The following SMARCA4 variants were observed in gnomAD, a reference collection of about 807,000 sequenced individuals.
The protein encoded by SMARCA4 is SWI/SNF-related matrix-associated actin-dependent regulator of chromatin subfamily A member 4.
A neutral mutation model predicts 193.9 loss-of-function variants in SMARCA4; 31 were observed. That is an observed-to-expected ratio of 0.16 (90% CI 0.12 to 0.22). The LOEUF is 0.22. SMARCA4 is among the 10% of genes least tolerant of loss of function. SMARCA4 has a pLI of 1.00. For missense variants in SMARCA4, 1,148 were observed against 2,296.0 expected, an observed-to-expected ratio of 0.50 and a Z score of 10.22; for synonymous variants, 942 against 933.1, an observed-to-expected ratio of 1.01 and a Z score of -0.17.
chr19:11,032,287 G>T (rs1343652921), intron 25 of SMARCA4: 1 of 152,384 alleles, frequency 6.6e-6, no homozygotes, highest in Non-Finnish European at 1.5e-5. Flanking sequence ...GAGCATCACT[G>T]GTACTCACCC....
rs775399739 is a variant in SMARCA4, at chr19:11,041,469, C to T, written c.4333C>T (p.Arg1445Trp). The T allele has an allele frequency of 6.2e-7, 1 of 1,612,468 alleles. No homozygotes were observed. The highest frequency in any genetic ancestry group is 8.5e-7 in the Non-Finnish European group (1 of 1,179,874). Reference protein sequence around the residue: ...DESKKQKKRGRPPAEKLSPNP... With the variant: ...DESKKQKKRGWPPAEKLSPNP... ...GAGCAAGAAGCAGAAGAAGCGCGGG[C>T]GGCCGCCTGCCGAGAAACTCTCCCC... Residue 1445 changes from arginine to tryptophan, a missense_variant, in exon 30 of 35, where the codon CGG becomes TGG. By Grantham distance (101) the Arg-to-Trp change is moderately radical. This residue lies in a region of SMARCA4 where 141 missense variants were observed against 193.0 expected (regional missense o/e 0.73). Coordinates refer to ENST00000344626, the MANE Select transcript of SMARCA4 (RefSeq NM_003072.5). The surrounding 1 kb of genome is among the most constrained non-coding windows in gnomAD (Gnocchi z 5.6).
At chr19:11,013,201 C>G in intron 16 of SMARCA4, 89 bp downstream of exon 16, 1 of 1,429,760 alleles carries the variant, frequency 7.0e-7, no homozygotes, top group South Asian at 1.2e-5. Flanking sequence ...ATACCACAAA[C>G]GAGGTGGCTT....
chr19:10,990,893 G>C (rs111927353), intron 7 of SMARCA4, among the ~76,000 whole-genome samples: 1 of 152,202 alleles, frequency 6.6e-6, no homozygotes, highest in African/African-American at 2.4e-5. Context: ...CTCCTAAGAC[G>C]TGTGTGTGGT....
In SMARCA4 at chr19:11,014,821, T is replaced by C. The variant is rs73500663; in HGVS notation, c.2438+1709T>C. On this transcript the variant is annotated intron_variant, in intron 16 of 34. Transcript: ENST00000344626. Reference sequence around the variant, plus strand: ...GAAATGATCTCATTTATTTTTATTTTTTTTTATTTTTTGAGGAGTCTCGCA... The same window carrying C: ...GAAATGATCTCATTTATTTTTATTTCTTTTTATTTTTTGAGGAGTCTCGCA... Among the ~76,000 whole-genome samples the C allele has an allele frequency of 2.1e-3, 318 of 152,282 alleles. 1 individual carries two copies. Among genetic ancestry groups the C allele is most frequent in the African/African-American group, 7.3e-3 (303 of 41,528 alleles).
chr19:11,049,408 T>G (rs1320290688), intron 30 of SMARCA4, among the ~76,000 whole-genome samples: 1 of 152,050 alleles, frequency 6.6e-6, no homozygotes, highest in African/African-American at 2.4e-5. Flanking sequence ...TGCAGAAACG[T>G]TCTCTGTGGC....
In SMARCA4 at chr19:11,013,029, G is replaced by A. The variant is rs547236594; in HGVS notation, c.2355G>A (p.Lys785=). The change falls in exon 16 of 35, where the codon AAG becomes AAA. Residue 785 remains lysine, a synonymous_variant. Transcript: ENST00000344626. ...GILADEMGLG[K]TIQTIALITY... ...TGGCCGACGAGATGGGCCTGGGGAA[G>A]ACCATCCAGACCATCGCGCTCATCA... is the stretch of plus-strand genomic sequence containing the variant. 1.5e-5 allele frequency: 24 copies of A among 1,614,040 alleles called. No homozygotes were observed. In the East Asian group the frequency reaches 3.1e-4, roughly 21 times the overall value.
chr19:11,034,860 G>A lies in SMARCA4; in HGVS notation c.3952-54G>A, dbSNP rs576914062. 695 of 1,172,592 alleles carry A rather than the reference G, an allele frequency of 5.9e-4. 16 individuals are homozygous for A. The South Asian group carries it at 8.7e-3, about 15-fold the overall frequency. 72.6% of individuals were successfully genotyped at this position (1,172,592 alleles called of 1,614,324 possible). ...GAACTCTCGGTGTTCTGGCTCTAGC[G>A]TGCCCCTGGTGCCTGCATGCTGATG... On this transcript the variant is annotated intron_variant, in intron 28 of 34. Coordinates refer to ENST00000344626, the MANE Select transcript of SMARCA4 (RefSeq NM_003072.5). The surrounding 1 kb of genome is among the most constrained non-coding windows in gnomAD (Gnocchi z 7.0).
intron 22 of SMARCA4, 32 bp from the exon 23 acceptor site, chr19:11,026,268 C>T (rs1172216568): frequency 1.2e-6 from 2 of 1,601,864 alleles, no homozygotes; most frequent in South Asian, 1.1e-5. Context: ...CTGCTCCTGC[C>T]TGTCACTGAC....
At chr19:11,050,039 C>A (rs1001540378) in intron 30 of SMARCA4, among the ~76,000 whole-genome samples, 1 of 152,116 alleles carries the variant, frequency 6.6e-6, no homozygotes, top group Non-Finnish European at 1.5e-5. Context: ...GAGGAGGTTT[C>A]GGTGAGCCAA....
In SMARCA4 at chr19:10,966,150, T is replaced by A. The variant is rs530355257; in HGVS notation, c.-32+4976T>A. Among the ~76,000 whole-genome samples, 5 of 152,010 alleles carry A rather than the reference T, an allele frequency of 3.3e-5. No homozygotes were observed. In the South Asian group the frequency reaches 1.0e-3, roughly 32 times the overall value. On this transcript the variant is annotated intron_variant, in intron 1 of 34. Coordinates refer to ENST00000344626, the MANE Select transcript of SMARCA4 (RefSeq NM_003072.5). ...GGTGCCCGCCACCATGCCTGGCTAA[T>A]TTTTTGTATATTTAGTAGAAACGGG...
chr19:10,995,789 G>T, intron 9 of SMARCA4: 1 of 361,028 alleles, frequency 2.8e-6, no homozygotes, highest in Non-Finnish European at 5.5e-6. Context: ...GTTGAGTTCT[G>T]ATCATGAAGG....
At position 10,965,596 on chromosome 19, in the gene SMARCA4, C is replaced by T. The variant is rs181331397; in HGVS notation, c.-32+4422C>T. 3.1e-3 allele frequency among the ~76,000 whole-genome samples: 475 copies of T among 152,188 alleles called. 1 individual carries two copies. The highest frequency in any genetic ancestry group is 0.011 in the African/African-American group (462 of 41,516). On this transcript the variant is annotated intron_variant, in intron 1 of 34. Coordinates refer to ENST00000344626, the MANE Select transcript of SMARCA4 (RefSeq NM_003072.5). ...GCGTTGTGAGATGATTTTGTGGTTG[C>T]GTGAAGATGATAGAGTGTGCTTACA... is the stretch of plus-strand genomic sequence containing the variant.
At chr19:11,059,935 C>A (rs750773035) in intron 33 of SMARCA4, 50 bp downstream of exon 33, 1 of 1,613,416 alleles carries the variant, frequency 6.2e-7, no homozygotes, top group African/African-American at 1.3e-5. Context: ...GGCCCGAGAG[C>A]CCCCAAGGCC....
rs575176833 is a variant in SMARCA4, at chr19:10,985,681, C to T, written c.355+276C>T. On this transcript the variant is annotated intron_variant, in intron 3 of 34. Coordinates refer to ENST00000344626, the MANE Select transcript of SMARCA4 (RefSeq NM_003072.5). The surrounding 1 kb of genome is among the most constrained non-coding windows in gnomAD (Gnocchi z 4.5). ...GGAGGGCTGTGCAGGGCAGCAGCCCCGTGCCACCCAGGAACTTACTGGAAA... is the reference window on the plus strand; with the variant it reads ...GGAGGGCTGTGCAGGGCAGCAGCCCTGTGCCACCCAGGAACTTACTGGAAA... Among the ~76,000 whole-genome samples the T allele has an allele frequency of 3.3e-4, 50 of 152,312 alleles. No homozygotes were observed. The highest frequency in any genetic ancestry group is 1.1e-3 in the African/African-American group (45 of 41,574).
rs896096648 is a variant in SMARCA4 at position 11,039,351 on chromosome 19, C to T, written c.4171-1956C>T. 5 of 607,206 alleles carry T rather than the reference C, an allele frequency of 8.2e-6. No homozygotes were observed. The African/African-American group carries it at 9.7e-5, about 12-fold the overall frequency. 37.6% of individuals were successfully genotyped at this position (607,206 alleles called of 1,614,324 possible). Reference sequence around the variant, plus strand: ...CCTGGGCGACAGAATGAGACCCTGTCTCTGAAAAAAAGGGAAATGACCTAA... The same window carrying T: ...CCTGGGCGACAGAATGAGACCCTGTTTCTGAAAAAAAGGGAAATGACCTAA... On this transcript the variant is annotated intron_variant, in intron 29 of 34. Transcript: ENST00000344626.
At position 11,033,096 on chromosome 19, in the gene SMARCA4, C is replaced by G. The variant is rs919951305; in HGVS notation, c.3547-194C>G. On this transcript the variant is annotated intron_variant, in intron 25 of 34. Coordinates refer to ENST00000344626, the MANE Select transcript of SMARCA4 (RefSeq NM_003072.5). The surrounding 1 kb of genome is among the most constrained non-coding windows in gnomAD (Gnocchi z 9.8). Reference sequence around the variant, plus strand: ...ACTTCTGGAGGAACGTGATGAGAGTCCCCTTCCCCCGAGGGACACATGGCG... The same window carrying G: ...ACTTCTGGAGGAACGTGATGAGAGTGCCCTTCCCCCGAGGGACACATGGCG... The G allele has an allele frequency of 1.5e-6, 1 of 658,474 alleles. No individual in the cohort carries two copies. Among genetic ancestry groups the G allele is most frequent in the East Asian group, 2.7e-5 (1 of 36,654 alleles). 40.8% of individuals were successfully genotyped at this position (658,474 alleles called of 1,614,324 possible).
Position 10,991,341 on chromosome 19 carries a change from CA to C in SMARCA4, c.1419+20del. ...AGCACCAGGTACGCTCCGGTGGCCC[CA>C]AGGCCCTGCAGCCCGCCCACCTGGC... On this transcript the variant is annotated intron_variant, in intron 8 of 34. Coordinates refer to ENST00000344626, the MANE Select transcript of SMARCA4 (RefSeq NM_003072.5). 3 of 1,572,126 alleles carry C rather than the reference CA, an allele frequency of 1.9e-6. No homozygotes were observed. In the South Asian group the frequency reaches 3.5e-5, roughly 18 times the overall value.
intron 1 of SMARCA4, among the ~76,000 whole-genome samples, chr19:10,965,718 T>C (rs530122336): frequency 5.2e-4 from 79 of 152,308 alleles, no homozygotes; most frequent in African/African-American, 1.9e-3. Context: ...CTGTACCGAT[T>C]ATTGTAGGCA....
At chr19:11,060,743 C>T (rs995574506) in intron 34 of SMARCA4, among the ~76,000 whole-genome samples, 10 of 152,208 alleles carry the variant, frequency 6.6e-5, no homozygotes, top group Admixed American at 5.2e-4. Context: ...GCTTCAGTTT[C>T]CTCTTATGCA....
Sources: allele counts gnomAD v4.1 joint callset (sites outside exome capture counted in the v4.1 genomes callset), GRCh38; gene constraint gnomAD v4.1.1; regional missense constraint gnomAD v4.1.1; non-coding constraint Gnocchi (gnomAD v3.1); transcripts MANE v1.5; gene names NCBI Gene and HGNC (gene_info 2026-07-23, HGNC 2026-07-21).